RPH3AL: variants seen among roughly 807,000 people sequenced by gnomAD.
RPH3AL encodes rab effector Noc2.
RPH3AL carries 38 observed loss-of-function variants against 43.1 expected under a neutral mutation model. The ratio of observed to expected loss-of-function variants is 0.88; its 90% CI spans 0.68 to 1.15. The LOEUF (loss-of-function observed/expected upper bound fraction) is 1.15, where lower values mean the gene tolerates loss of function less well. Among genes scored for constraint, RPH3AL ranks in the 50% most tolerant of loss-of-function variants. The pLI, the probability that RPH3AL is intolerant of heterozygous loss-of-function variation, is 0.00. For missense variants in RPH3AL, 462 were observed against 423.2 expected (o/e 1.09, Z -0.81); for synonymous variants, 189 against 176.3 (o/e 1.07, Z -0.57).
chr17:318,235 A>C (rs1479163741), intron 5 of RPH3AL, among the ~76,000 whole-genome samples: 1 of 151,966 alleles, frequency 6.6e-6, no homozygotes, highest in Non-Finnish European at 1.5e-5. Flanking sequence ...TTCAAAAATT[A>C]GCCGGTAGTG....
intron 6 of RPH3AL, among the ~76,000 whole-genome samples, chr17:270,187 A>G (rs1295237822): frequency 6.6e-6 from 1 of 152,182 alleles, no homozygotes; most frequent in Non-Finnish European, 1.5e-5. Flanking sequence ...CCGCCCCAGC[A>G]CCAGCCACCC....
intron 7 of RPH3AL, among the ~76,000 whole-genome samples, chr17:220,036 A>G (rs933447758): frequency 1.3e-5 from 2 of 152,168 alleles, no homozygotes; most frequent in African/African-American, 2.4e-5. Flanking sequence ...TAGTTCCTCT[A>G]GTGGAACCAG....
intron 3 of RPH3AL, 135 bp downstream of exon 3, chr17:327,332 G>C: frequency 1.3e-6 from 1 of 745,824 alleles, no homozygotes. Flanking sequence ...AGGGCCTGGA[G>C]TGTGGCATGC....
At chr17:310,654 C>A (rs765618705) in intron 5 of RPH3AL, among the ~76,000 whole-genome samples, 23 of 152,318 alleles carry the variant, frequency 1.5e-4, no homozygotes, top group East Asian at 3.9e-4. Flanking sequence ...TTCCAGCCCC[C>A]CAGGGCTGCC....
At chr17:216,105 T>C in intron 8 of RPH3AL, among the ~76,000 whole-genome samples, 1 of 4,576 alleles carries the variant, frequency 2.2e-4, no homozygotes, top group Non-Finnish European at 3.9e-4. Context: ...GGCTCTGGCC[T>C]GACCTCACCC....
At chr17:337,829 T>G (rs1359549946) in intron 1 of RPH3AL, among the ~76,000 whole-genome samples, 1 of 152,358 alleles carries the variant, frequency 6.6e-6, no homozygotes, top group East Asian at 1.9e-4. Flanking sequence ...GAGGTTTCAC[T>G]TAATCCTGTG....
At chr17:335,869 G>A (rs1285214126) in intron 1 of RPH3AL, 1 of 152,226 alleles carries the variant, frequency 6.6e-6, no homozygotes. Context: ...GCGCCCAGAG[G>A]GCTGGGTTGA....
intron 6 of RPH3AL, among the ~76,000 whole-genome samples, chr17:250,011 C>A (rs1057495597): frequency 1.4e-5 from 2 of 144,836 alleles, no homozygotes; most frequent in South Asian, 4.4e-4. Context: ...TCCATCGCTG[C>A]GGGACCTCTC....
intron 9 of RPH3AL, among the ~76,000 whole-genome samples, 161 bp from the exon 10 acceptor site, chr17:214,084 C>T (rs1206395542): frequency 6.6e-6 from 1 of 152,212 alleles, no homozygotes; most frequent in Admixed American, 6.5e-5. Context: ...ACCAGCACCG[C>T]TCTGCTCTGC....
intron 7 of RPH3AL, among the ~76,000 whole-genome samples, chr17:235,522 C>A (rs112288355): frequency 1.4e-5 from 2 of 139,994 alleles, no homozygotes; most frequent in East Asian, 4.3e-4. Context: ...CTGGGGTCGG[C>A]GGAGGCTCCA....
At chr17:233,855 CTGAG>C (rs1358456723) in intron 7 of RPH3AL, among the ~76,000 whole-genome samples, 52 of 138,734 alleles carry the variant, frequency 3.7e-4, no homozygotes, top group African/African-American at 5.3e-4. Flanking sequence ...ACCAACTTCC[CTGAG>C]CAGGGAGCGG....
chr17:272,259 A>T (rs1646270505), intron 6 of RPH3AL, among the ~76,000 whole-genome samples: 1 of 152,188 alleles, frequency 6.6e-6, no homozygotes, highest in South Asian at 2.1e-4. Flanking sequence ...TACTGGGTAT[A>T]TACCCAAAGG....
rs918186594 is a variant in RPH3AL at position 323,206 on chromosome 17, G to A, written c.78-1791C>T. ...TCACACACGAAAGGCAGGGGGCATG[G>A]GTGGTGTGTGGTGTTTCAGGGATCC... On this transcript the variant is annotated intron_variant, in intron 3 of 9. Transcript: ENST00000331302. This position sits in a 1 kb window ranked among gnomAD's most constrained non-coding sequence, Gnocchi z 4.4. 2.0e-5 allele frequency among the ~76,000 whole-genome samples: 3 copies of A among 151,988 alleles called. No homozygotes were observed. The highest frequency in any genetic ancestry group is 7.3e-5 in the African/African-American group (3 of 41,346).
chr17:330,633 C>T (rs531891902), intron 2 of RPH3AL, among the ~76,000 whole-genome samples: 19 of 152,254 alleles, frequency 1.2e-4, no homozygotes, highest in South Asian at 4.1e-4. Context: ...CTCAGCACTT[C>T]GGGAGACTCA....
chr17:311,661 C>T (rs980726760), intron 5 of RPH3AL, among the ~76,000 whole-genome samples: 5 of 152,220 alleles, frequency 3.3e-5, no homozygotes, highest in East Asian at 3.8e-4. Flanking sequence ...GACATTTATA[C>T]GAGTAACGAG....
At chr17:318,647 G>T (rs2044371252) in intron 5 of RPH3AL, among the ~76,000 whole-genome samples, 1 of 152,078 alleles carries the variant, frequency 6.6e-6, no homozygotes, top group South Asian at 2.1e-4. Flanking sequence ...ACTATCTTGA[G>T]GATTAGAAGG....
chr17:244,353 G>GAGA (rs2041692573), intron 7 of RPH3AL, among the ~76,000 whole-genome samples: 1 of 152,068 alleles, frequency 6.6e-6, no homozygotes, highest in Non-Finnish European at 1.5e-5. Flanking sequence ...GGGATGCAGG[G>GAGA]AGAAGAAGTT....
chr17:275,661 C>G (rs1395447897), intron 6 of RPH3AL, among the ~76,000 whole-genome samples: 1 of 152,188 alleles, frequency 6.6e-6, no homozygotes, highest in Non-Finnish European at 1.5e-5. Flanking sequence ...AGTCCTCCCA[C>G]CTCAGCCTCC....
At chr17:314,878 C>A (rs1393270765) in intron 5 of RPH3AL, among the ~76,000 whole-genome samples, 5 of 149,600 alleles carry the variant, frequency 3.3e-5, no homozygotes, top group African/African-American at 5.0e-5. Flanking sequence ...CCTCCATTGA[C>A]CTGTAGTCTC....
Sources: allele counts gnomAD v4.1 joint callset (sites outside exome capture counted in the v4.1 genomes callset), GRCh38; gene constraint gnomAD v4.1.1; non-coding constraint Gnocchi (gnomAD v3.1); transcripts MANE v1.5; gene names NCBI Gene and HGNC (gene_info 2026-07-23, HGNC 2026-07-21).